The following ARL14EPL variants were observed in gnomAD, a reference collection of about 807,000 sequenced individuals.
ARL14EPL encodes the protein ARL14 effector protein-like.
ARL14EPL carries 17 observed loss-of-function variants against 15.9 expected under a neutral mutation model. The observed-to-expected ratio is 1.07, with a 90% confidence interval of 0.73 to 1.60. The LOEUF (loss-of-function observed/expected upper bound fraction) is 1.60, where lower values mean the gene tolerates loss of function less well. Ranked by LOEUF, ARL14EPL falls within the 40% of genes most tolerant of loss-of-function variation. The probability of loss-of-function intolerance (pLI) is 0.00; values close to 1 mark genes in which losing one functional copy is unlikely to be tolerated. For missense variants in ARL14EPL, 214 were observed against 185.9 expected (o/e 1.15, Z -0.88); for synonymous variants, 78 against 63.8 (o/e 1.22, Z -1.06).
intron 1 of ARL14EPL, among the ~76,000 whole-genome samples, chr5:116,037,804 A>C (rs761431177): frequency 2.0e-5 from 3 of 152,202 alleles, no homozygotes; most frequent in Non-Finnish European, 1.5e-5. Flanking sequence ...ATTACTATCT[A>C]ACTGTTTTCT....
intron 1 of ARL14EPL, among the ~76,000 whole-genome samples, chr5:116,041,277 G>C (rs1355076320): frequency 1.3e-5 from 2 of 152,050 alleles, no homozygotes; most frequent in Non-Finnish European, 2.9e-5. Context: ...CACTGCTGAA[G>C]TATCATATAG....
intron 1 of ARL14EPL, among the ~76,000 whole-genome samples, chr5:116,037,947 T>A (rs1749077205): frequency 6.6e-6 from 1 of 152,314 alleles, no homozygotes; most frequent in Admixed American, 6.5e-5. Context: ...AATGTAAGGT[T>A]CATGGAGAGA....
rs1561579519 is a variant in ARL14EPL, at chr5:116,050,815, T to TC, written c.-9-642_-9-641insC. 8.2e-4 allele frequency among the ~76,000 whole-genome samples: 103 copies of TC among 125,870 alleles called. 1 individual carries two copies. The highest frequency in any genetic ancestry group is 2.4e-3 in the East Asian group (11 of 4,574). 82.6% of individuals were successfully genotyped at this position (125,870 alleles called of 152,430 possible). On this transcript the variant is annotated intron_variant, in intron 1 of 3. Coordinates refer to ENST00000686077, the MANE Select transcript of ARL14EPL (RefSeq NM_001195581.2). ...CTCTCTCTCTCTCTCTCTCTCTCTC[T>TC]TACACACACACATGCACACACACAC...
intron 1 of ARL14EPL, among the ~76,000 whole-genome samples, chr5:116,048,277 C>G (rs1749310572): frequency 6.6e-6 from 1 of 152,114 alleles, no homozygotes; most frequent in South Asian, 2.1e-4. Context: ...GCTTAGCATA[C>G]ATATGGCTTC....
At chr5:116,051,240 T>C in intron 1 of ARL14EPL, 1 of 466,454 alleles carries the variant, frequency 2.1e-6, no homozygotes, top group South Asian at 3.9e-5. Context: ...ATTGATTTTC[T>C]CCTGGAACCC....
intron 3 of ARL14EPL, 68 bp from the exon 4 acceptor site, chr5:116,058,657 A>G: frequency 7.1e-7 from 1 of 1,409,614 alleles, no homozygotes. Context: ...TGTTGATTGT[A>G]CATTAATTTA....
chr5:116,034,283 G>T (rs577712556), intron 1 of ARL14EPL, among the ~76,000 whole-genome samples: 68 of 152,270 alleles, frequency 4.5e-4, no homozygotes, highest in African/African-American at 1.6e-3. Flanking sequence ...GGCTCTCAGG[G>T]TTCATTTAGG....
rs1358080561 is a variant in ARL14EPL at position 116,059,306 on chromosome 5, T to A, written c.*359T>A. 1 of 220,660 alleles carries A rather than the reference T, an allele frequency of 4.5e-6. No individual in the cohort carries two copies. The highest frequency in any genetic ancestry group is 1.1e-4 in the East Asian group (1 of 9,006). The allele number at this position is 220,660 out of a possible 1,614,324, so 13.7% of individuals were successfully genotyped here. A position where few individuals can be genotyped will look rare whatever the true frequency, so the allele number is the denominator to read the frequency against. ...AAACTCTGTAGTTGAGAGCTTTTCTTACATAGAACATAGAATCTTAAATTT... is the reference window on the plus strand; with the variant it reads ...AAACTCTGTAGTTGAGAGCTTTTCTAACATAGAACATAGAATCTTAAATTT... On this transcript the variant is annotated 3_prime_UTR_variant, in exon 4 of 4. Coordinates refer to ENST00000686077, the MANE Select transcript of ARL14EPL (RefSeq NM_001195581.2).
intron 1 of ARL14EPL, among the ~76,000 whole-genome samples, chr5:116,040,515 G>A (rs12522820): frequency 0.1 from 15,430 of 151,474 alleles, 1,483 homozygotes; most frequent in African/African-American, 0.23. Context: ...ATGTGTCCTA[G>A]GACTGGGACG....
Position 116,040,814 on chromosome 5 carries a change from C to CAA in ARL14EPL, c.-10+8325_-10+8326dup, listed in dbSNP as rs58840428. ...TGAAACCCCGTCTCTACTAAAAATACAAAAAAAAAAAAAAAAATTAGTCGG... is the reference window on the plus strand; with the variant it reads ...TGAAACCCCGTCTCTACTAAAAATACAAAAAAAAAAAAAAAAAAATTAGTCGG... On this transcript the variant is annotated intron_variant, in intron 1 of 3. Coordinates refer to ENST00000686077, the MANE Select transcript of ARL14EPL (RefSeq NM_001195581.2). Among the ~76,000 whole-genome samples the CAA allele has an allele frequency of 7.6e-4, 81 of 106,516 alleles. 1 individual carries two copies. In the South Asian group the frequency reaches 0.021, roughly 27 times the overall value. 69.9% of individuals were successfully genotyped at this position (106,516 alleles called of 152,430 possible). A position where few individuals can be genotyped will look rare whatever the true frequency, so the allele number is the denominator to read the frequency against.
intron 2 of ARL14EPL, chr5:116,051,935 G>A: frequency 1.9e-6 from 3 of 1,605,430 alleles, no homozygotes; most frequent in East Asian, 2.2e-5. Context: ...AGCAGCTGGA[G>A]CATCTCCACC....
intron 1 of ARL14EPL, among the ~76,000 whole-genome samples, chr5:116,041,678 C>T (rs1386124481): frequency 6.6e-6 from 1 of 152,144 alleles, no homozygotes; most frequent in African/African-American, 2.4e-5. Flanking sequence ...CACTAGAGCC[C>T]TCTGAAATCT....
chr5:116,034,053 G>A (rs918078220), intron 1 of ARL14EPL, among the ~76,000 whole-genome samples: 4 of 152,294 alleles, frequency 2.6e-5, no homozygotes, highest in East Asian at 3.9e-4. Context: ...TTTTGATGAC[G>A]TGATGAGTCC....
chr5:116,049,306 G>T (rs1281947715), intron 1 of ARL14EPL, among the ~76,000 whole-genome samples: 1 of 152,126 alleles, frequency 6.6e-6, no homozygotes. Context: ...ACCTCAGTAG[G>T]TCTGAGATTC....
At chr5:116,046,737 T>C (rs555903042) in intron 1 of ARL14EPL, among the ~76,000 whole-genome samples, 28 of 152,318 alleles carry the variant, frequency 1.8e-4, no homozygotes, top group African/African-American at 4.3e-4. Flanking sequence ...GGTTATTTCA[T>C]TGTAGCATTT....
chr5:116,040,287 A>T (rs1749124565), intron 1 of ARL14EPL, among the ~76,000 whole-genome samples: 1 of 151,668 alleles, frequency 6.6e-6, no homozygotes, highest in African/African-American at 2.4e-5. Flanking sequence ...CCTTCCCTTC[A>T]CTCCTGTTAT....
intron 1 of ARL14EPL, among the ~76,000 whole-genome samples, chr5:116,044,333 G>T (rs941933874): frequency 6.6e-6 from 1 of 152,106 alleles, no homozygotes; most frequent in Non-Finnish European, 1.5e-5. Context: ...AAACCCTGGT[G>T]GCAGAGGACA....
chr5:116,038,849 T>C (rs1049208380), intron 1 of ARL14EPL, among the ~76,000 whole-genome samples: 1 of 152,196 alleles, frequency 6.6e-6, no homozygotes. Flanking sequence ...AAATACATGT[T>C]TCTGTGGATC....
intron 1 of ARL14EPL, among the ~76,000 whole-genome samples, chr5:116,038,692 G>A (rs778042358): frequency 1.1e-4 from 17 of 150,810 alleles, no homozygotes; most frequent in Non-Finnish European, 2.4e-4. Context: ...AAGTTGGCCT[G>A]GGAAACATGG....
Sources: gnomAD v4.1 joint callset for allele counts (sites outside exome capture counted in the v4.1 genomes callset) on GRCh38, gnomAD v4.1.1 for gene constraint, MANE v1.5 for transcripts, NCBI Gene and HGNC (gene_info 2026-07-23, HGNC 2026-07-21) for gene names.